Variants in KDM4B observed in about 807,000 individuals in gnomAD.
KDM4B encodes lysine demethylase 4B.
In KDM4B, 32 loss-of-function variants were observed where a neutral mutation model predicts 125.2. The observed-to-expected ratio is 0.26, with a 90% CI of 0.19 to 0.34. KDM4B has a LOEUF of 0.34. Among genes scored for constraint, KDM4B ranks in the 10% least tolerant of loss-of-function variants. The pLI is 1.00. For missense variants in KDM4B, 1,190 were observed against 1,577.7 expected (o/e 0.75, Z 4.16); for synonymous variants, 721 against 677.9 (o/e 1.06, Z -0.99).
chr19:4,969,961 C>G lies in KDM4B; in HGVS notation c.-109+731C>G, dbSNP rs1036473266. Among the ~76,000 whole-genome samples the G allele has an allele frequency of 2.6e-5, 4 of 152,350 alleles. No individual in the cohort carries two copies. The East Asian group carries it at 5.8e-4, about 22-fold the overall frequency. ...TCTCTCCGTCCCTCCCCCTTCCAGC[C>G]TGATCGCCATCTCGAACGAAGCCCC... On this transcript the variant is annotated intron_variant, in intron 1 of 22. Coordinates refer to ENST00000159111, the MANE Select transcript of KDM4B (RefSeq NM_015015.3).
rs1335389203 is a variant in KDM4B, at chr19:5,141,743, G to A, written c.2551-2224G>A. Among the ~76,000 whole-genome samples, 5 of 152,194 alleles carry A rather than the reference G, an allele frequency of 3.3e-5. No homozygotes were observed. The highest frequency in any genetic ancestry group is 4.8e-5 in the African/African-American group (2 of 41,456). ...CCCGCCTGGGCCAAGTTATCACCACGTTCTCAAGGCCGTGCTGCTGAGAAG... is the reference window on the plus strand; with the variant it reads ...CCCGCCTGGGCCAAGTTATCACCACATTCTCAAGGCCGTGCTGCTGAGAAG... On this transcript the variant is annotated intron_variant, in intron 18 of 22. Transcript: ENST00000159111. This position sits in a 1 kb window ranked among gnomAD's most constrained non-coding sequence, Gnocchi z 6.4.
intron 9 of KDM4B, among the ~76,000 whole-genome samples, chr19:5,087,586 A>G (rs1369647178): frequency 6.6e-6 from 1 of 152,172 alleles, no homozygotes; most frequent in East Asian, 1.9e-4. Flanking sequence ...AGGTAGTGCC[A>G]GTGTCATTTT....
At chr19:5,107,952 G>T (rs1412267182) in intron 9 of KDM4B, among the ~76,000 whole-genome samples, 1 of 152,228 alleles carries the variant, frequency 6.6e-6, no homozygotes, top group African/African-American at 2.4e-5. Flanking sequence ...AGACTTGCAG[G>T]AATGCTCCCA....
chr19:5,082,297 A>C lies in KDM4B; in HGVS notation c.781-70A>C, dbSNP rs1599577328. 4.4e-6 allele frequency: 7 copies of C among 1,583,772 alleles called. No individual in the cohort carries two copies. In the Admixed American group the frequency reaches 1.0e-4, roughly 23 times the overall value. ...CCAGGCTCCCTGGCACTTGCTGGGA[A>C]GTGCCCACGTCCCATCCCCTGGTGC... On this transcript the variant is annotated intron_variant, in intron 8 of 22. Transcript: ENST00000159111. This position sits in a 1 kb window ranked among gnomAD's most constrained non-coding sequence, Gnocchi z 5.4.
intron 18 of KDM4B, chr19:5,140,211 G>T (rs1463631295): frequency 2.0e-5 from 3 of 152,560 alleles, no homozygotes; most frequent in African/African-American, 7.2e-5. Flanking sequence ...GATCCACACA[G>T]TGAGAGCCTG....
At position 5,120,885 on chromosome 19, in the gene KDM4B, G is replaced by A. The variant is rs546459662; in HGVS notation, c.1315+1033G>A. ...ACAGTGCCTGAGGCCCAGGTCATGG[G>A]GGCCACATTCGCCGGAGGGTCCTAG... On this transcript the variant is annotated intron_variant, in intron 11 of 22. Coordinates refer to ENST00000159111, the MANE Select transcript of KDM4B (RefSeq NM_015015.3). Among the ~76,000 whole-genome samples the A allele has an allele frequency of 1.6e-3, 242 of 152,288 alleles. 1 individual carries two copies. The highest frequency in any genetic ancestry group is 5.6e-3 in the African/African-American group (234 of 41,564).
At chr19:5,017,264 A>T (rs1329708306) in intron 2 of KDM4B, among the ~76,000 whole-genome samples, 1 of 152,144 alleles carries the variant, frequency 6.6e-6, no homozygotes, top group Non-Finnish European at 1.5e-5. Flanking sequence ...GGAAGTCATA[A>T]AGTGTAAGGG....
intron 9 of KDM4B, among the ~76,000 whole-genome samples, chr19:5,084,451 A>G (rs895602691): frequency 7.3e-6 from 1 of 136,298 alleles, no homozygotes; most frequent in South Asian, 2.1e-4. Context: ...TATATGTTAT[A>G]ATAATTTATA....
At chr19:5,118,896 C>T (rs367844732) in intron 10 of KDM4B, among the ~76,000 whole-genome samples, 54 of 152,224 alleles carry the variant, frequency 3.5e-4, no homozygotes, top group African/African-American at 1.2e-3. Context: ...ACGCCTGCCC[C>T]GTGAGCAGAT....
At chr19:5,148,318 C>G (rs1331238708) in intron 21 of KDM4B, among the ~76,000 whole-genome samples, 1 of 152,212 alleles carries the variant, frequency 6.6e-6, no homozygotes, top group Non-Finnish European at 1.5e-5. Context: ...CCAGTCAGCC[C>G]CCAGTTCCCA....
At chr19:4,994,334 G>A (rs912876268) in intron 1 of KDM4B, among the ~76,000 whole-genome samples, 1 of 151,638 alleles carries the variant, frequency 6.6e-6, no homozygotes, top group Non-Finnish European at 1.5e-5. Flanking sequence ...CACTTTGGGA[G>A]GCCGAGGCGG....
At chr19:4,993,289 A>T (rs1188073193) in intron 1 of KDM4B, among the ~76,000 whole-genome samples, 1 of 152,030 alleles carries the variant, frequency 6.6e-6, no homozygotes, top group East Asian at 1.9e-4. Flanking sequence ...GCATGCCTGT[A>T]TTCCAGCTAC....
intron 9 of KDM4B, among the ~76,000 whole-genome samples, chr19:5,108,847 CT>C (rs1480231666): frequency 6.6e-6 from 1 of 152,124 alleles, no homozygotes; most frequent in African/African-American, 2.4e-5. Context: ...CACGCGGTCC[CT>C]GGGCCCGCCT....
chr19:5,153,566 A>G lies in KDM4B; in HGVS notation c.*2055A>G, dbSNP rs755423716. 34 of 152,422 alleles carry G rather than the reference A, an allele frequency of 2.2e-4. No homozygotes were observed. Among genetic ancestry groups the G allele is most frequent in the South Asian group, 2.1e-3 (10 of 4,830 alleles). 9.4% of individuals were successfully genotyped at this position (152,422 alleles called of 1,614,324 possible). ...GCCTAATGTCCCTGCCTCTAGGTTC[A>G]TAATGAATTAAAGGTTCATGAACGC... On this transcript the variant is annotated 3_prime_UTR_variant, in exon 23 of 23. Transcript: ENST00000159111.
intron 5 of KDM4B, among the ~76,000 whole-genome samples, chr19:5,041,471 C>T (rs1160535713): frequency 6.6e-6 from 1 of 152,192 alleles, no homozygotes; most frequent in East Asian, 1.9e-4. Flanking sequence ...CCCTGCAGCC[C>T]CCACCCTGAG....
intron 15 of KDM4B, 64 bp from the exon 16 acceptor site, chr19:5,137,198 T>C: frequency 8.2e-7 from 1 of 1,214,466 alleles, no homozygotes; most frequent in Non-Finnish European, 1.2e-6. Context: ...TCCCCCTGAG[T>C]TTCACTCGGC....
intron 6 of KDM4B, among the ~76,000 whole-genome samples, chr19:5,058,346 C>G (rs10418425): frequency 0.17 from 26,308 of 152,242 alleles, 2,377 homozygotes; most frequent in East Asian, 0.25. Context: ...CGCGCAACCC[C>G]CAGAGCAGTG....
At chr19:5,076,102 G>A (rs2613774) in intron 7 of KDM4B, 984 of 89,058 alleles carry the variant, frequency 0.011, 2 homozygotes, top group Middle Eastern at 0.073. Flanking sequence ...GCCACACTGC[G>A]TCCTTTCCCC....
intron 9 of KDM4B, among the ~76,000 whole-genome samples, chr19:5,104,397 T>C (rs1312967647): frequency 6.6e-6 from 1 of 152,202 alleles, no homozygotes; most frequent in Non-Finnish European, 1.5e-5. Flanking sequence ...ATGGGAGACG[T>C]GACTCTTTTT....
Sources: allele counts gnomAD v4.1 joint callset (sites outside exome capture counted in the v4.1 genomes callset), GRCh38; gene constraint gnomAD v4.1.1; non-coding constraint Gnocchi (gnomAD v3.1); transcripts MANE v1.5; gene names NCBI Gene and HGNC (gene_info 2026-07-23, HGNC 2026-07-21).